The following FAM135A variants were observed in gnomAD, a reference collection of about 807,000 sequenced individuals.
The protein encoded by FAM135A is protein FAM135A.
A neutral mutation model predicts 146.8 loss-of-function variants in FAM135A; 79 were observed. That is an observed-to-expected ratio of 0.54 (90% CI 0.45 to 0.65). The LOEUF (loss-of-function observed/expected upper bound fraction) is 0.65, where lower values mean the gene tolerates loss of function less well. Ranked by LOEUF, FAM135A falls within the 30% of genes least tolerant of loss-of-function variation. The probability of loss-of-function intolerance (pLI) is 0.00; values close to 1 mark genes in which losing one functional copy is unlikely to be tolerated. For synonymous variants in FAM135A, 562 were observed against 603.6 expected (o/e 0.93, Z 1.01); for missense variants, 1,623 against 1,758.2 (o/e 0.92, Z 1.38).
Position 70,536,293 on chromosome 6 carries a change from T to C in FAM135A, c.3999T>C (p.Ile1333=). ...GACATTCGTTGGGCAATTTAATAAT[T>C]CGTTCAGTGCTTACAAGGCCAAGGT... is the stretch of plus-strand genomic sequence containing the variant. ...FIGHSLGNLI[I]RSVLTRPRFK... Residue 1333 remains isoleucine (I), a synonymous_variant, in exon 19 of 22, where the codon ATT becomes ATC. Coordinates refer to ENST00000418814, the MANE Select transcript of FAM135A (RefSeq NM_001162529.3). The C allele has an allele frequency of 6.2e-7, 1 of 1,610,326 alleles. No homozygotes were observed. Among genetic ancestry groups the C allele is most frequent in the Non-Finnish European group, 8.5e-7 (1 of 1,178,956 alleles).
intron 12 of FAM135A, among the ~76,000 whole-genome samples, chr6:70,508,509 G>A (rs1790296148): frequency 6.6e-6 from 1 of 152,130 alleles, no homozygotes; most frequent in South Asian, 2.1e-4. Context: ...ACTTGTGTCT[G>A]GAATTATAAG....
chr6:70,547,855 T>C (rs1047354514), intron 20 of FAM135A, among the ~76,000 whole-genome samples: 1 of 152,226 alleles, frequency 6.6e-6, no homozygotes, highest in Admixed American at 6.5e-5. Context: ...CAGATTTTTC[T>C]GGTTAAACCA....
At chr6:70,415,222 G>A (rs890226870) in intron 1 of FAM135A, 69 bp from the exon 2 acceptor site, 4 of 152,098 alleles carry the variant, frequency 2.6e-5, no homozygotes. Context: ...CATAAATAAT[G>A]GTATAGTATC....
intron 8 of FAM135A, among the ~76,000 whole-genome samples, chr6:70,479,626 A>G (rs1476406029): frequency 6.6e-6 from 1 of 152,184 alleles, no homozygotes; most frequent in Admixed American, 6.5e-5. Flanking sequence ...TAAAGGGGTC[A>G]TGTCTAAGGG....
At chr6:70,470,002 GA>G (rs200813225) in intron 5 of FAM135A, among the ~76,000 whole-genome samples, 2 of 148,588 alleles carry the variant, frequency 1.3e-5, no homozygotes, top group African/African-American at 2.5e-5. Context: ...AAAAAAAGTA[GA>G]AAAAAAAACA....
In FAM135A at chr6:70,516,253, A is replaced by C. The variant is rs1239617800; in HGVS notation, c.1030-6260A>C. 2.0e-5 allele frequency among the ~76,000 whole-genome samples: 3 copies of C among 150,546 alleles called. No individual in the cohort carries two copies. In the East Asian group the frequency reaches 5.8e-4, roughly 29 times the overall value. The stretch of plus-strand genomic sequence containing the variant: ...AGGTCCAGACCTAGGGAACTTTTTA[A>C]AAGTTGTGCAAGTGATTAACAGGGT... On this transcript the variant is annotated intron_variant, in intron 12 of 21. Transcript: ENST00000418814.
chr6:70,428,623 A>G (rs1770756789), intron 4 of FAM135A, among the ~76,000 whole-genome samples: 2 of 152,256 alleles, frequency 1.3e-5, no homozygotes, highest in South Asian at 4.1e-4. Flanking sequence ...GATATACTGA[A>G]CCTGTGTTTA....
intron 8 of FAM135A, 142 bp downstream of exon 8, chr6:70,477,474 G>C (rs1168969094): frequency 2.2e-6 from 2 of 895,946 alleles, no homozygotes; most frequent in Non-Finnish European, 3.2e-6. Context: ...GCTGGCATCT[G>C]CTTAACTTCT....
At chr6:70,471,461 A>G (rs767392156) in intron 5 of FAM135A, among the ~76,000 whole-genome samples, 3 of 152,162 alleles carry the variant, frequency 2.0e-5, no homozygotes, top group African/African-American at 4.8e-5. Flanking sequence ...TGAAATTCAC[A>G]TTACAACAAA....
At chr6:70,513,849 C>T (rs1450685312) in intron 12 of FAM135A, among the ~76,000 whole-genome samples, 1 of 151,974 alleles carries the variant, frequency 6.6e-6, no homozygotes, top group Admixed American at 6.6e-5. Flanking sequence ...ATCTTCTGGC[C>T]TCTGTAGTCT....
chr6:70,530,786 A>G (rs1795655313), intron 16 of FAM135A, among the ~76,000 whole-genome samples: 1 of 152,172 alleles, frequency 6.6e-6, no homozygotes, highest in South Asian at 2.1e-4. Context: ...GTGGAAAAAT[A>G]GAGTTAAAAG....
chr6:70,540,567 C>T (rs1391139238), intron 20 of FAM135A, among the ~76,000 whole-genome samples: 1 of 151,998 alleles, frequency 6.6e-6, no homozygotes, highest in African/African-American at 2.4e-5. Context: ...CCTTGTGATC[C>T]GCCCGCCTCG....
At position 70,490,296 on chromosome 6, in the gene FAM135A, G is replaced by A. The variant is rs375473596; in HGVS notation, c.824-738G>A. Among the ~76,000 whole-genome samples the A allele has an allele frequency of 4.5e-4, 69 of 152,172 alleles. No individual in the cohort carries two copies. The East Asian group carries it at 5.6e-3, about 12-fold the overall frequency. ...TGTTTGATTTCTACTTAAAAATTAA[G>A]TGTATGTAAAGATATTTCAGACATT... On this transcript the variant is annotated intron_variant, in intron 10 of 21. Coordinates refer to ENST00000418814, the MANE Select transcript of FAM135A (RefSeq NM_001162529.3).
intron 20 of FAM135A, 92 bp downstream of exon 20, chr6:70,538,493 G>T (rs944410822): frequency 4.4e-6 from 3 of 674,952 alleles, no homozygotes; most frequent in Non-Finnish European, 6.5e-6. Context: ...TGTCTTTCTA[G>T]TGGTTAAAAA....
At chr6:70,544,980 G>A (rs1798583715) in intron 20 of FAM135A, among the ~76,000 whole-genome samples, 1 of 151,828 alleles carries the variant, frequency 6.6e-6, no homozygotes, top group Non-Finnish European at 1.5e-5. Flanking sequence ...GAACCCAGGA[G>A]GCGTAGGATG....
chr6:70,477,008 T>C (rs1782735858), intron 7 of FAM135A, 151 bp from the exon 8 acceptor site: 10 of 734,836 alleles, frequency 1.4e-5, no homozygotes, highest in Non-Finnish European at 1.9e-5. Context: ...TCATATTGCT[T>C]CTAATGCAAC....
intron 19 of FAM135A, 139 bp downstream of exon 19, chr6:70,536,550 G>C: frequency 4.6e-6 from 3 of 652,472 alleles, no homozygotes; most frequent in Non-Finnish European, 6.7e-6. Context: ...CTAATTTTCT[G>C]TTTTGTTATG....
intron 11 of FAM135A, among the ~76,000 whole-genome samples, chr6:70,493,801 C>T (rs1786591829): frequency 6.6e-6 from 1 of 151,928 alleles, no homozygotes; most frequent in Non-Finnish European, 1.5e-5. Flanking sequence ...GCCTGTAATC[C>T]CAGCACTTTG....
intron 5 of FAM135A, among the ~76,000 whole-genome samples, chr6:70,464,667 C>T (rs7758847): frequency 0.12 from 11,657 of 98,468 alleles, 1,331 homozygotes; most frequent in African/African-American, 0.33. Context: ...TCTTTTTTTT[C>T]TTTTTTTTTT....
Sources: allele counts gnomAD v4.1 joint callset (sites outside exome capture counted in the v4.1 genomes callset), GRCh38; gene constraint gnomAD v4.1.1; transcripts MANE v1.5; gene names NCBI Gene and HGNC (gene_info 2026-07-23, HGNC 2026-07-21).